The following MUC5B variants were observed in gnomAD, a reference collection of about 807,000 sequenced individuals.
The protein encoded by MUC5B is mucin 5B, oligomeric mucus/gel-forming, also known as mucin-5B.
A neutral mutation model predicts 376.9 loss-of-function variants in MUC5B; 116 were observed. The observed-to-expected ratio is 0.31, with a 90% CI of 0.26 to 0.36. MUC5B has a LOEUF of 0.36. Ranked by LOEUF, MUC5B falls within the 10% of genes least tolerant of loss-of-function variation. The pLI, the probability that MUC5B is intolerant of heterozygous loss-of-function variation, is 1.00. For synonymous variants in MUC5B, 3,517 were observed against 3,390.9 expected (o/e 1.04, Z -1.29); for missense variants, 7,165 against 7,769.9 (o/e 0.92, Z 2.93).
At position 1,242,671 on chromosome 11, in the gene MUC5B, A is replaced by G. The variant is rs775784264; in HGVS notation, c.5791A>G (p.Arg1931Gly). The G allele has an allele frequency of 3.8e-6, 6 of 1,599,600 alleles. No homozygotes were observed. In the East Asian group the frequency reaches 1.1e-4, roughly 30 times the overall value. Residue 1931 changes from arginine (R) to glycine (G), a missense_variant, in exon 31 of 49, where the codon AGA becomes GGA. Coordinates refer to ENST00000529681, the MANE Select transcript of MUC5B (RefSeq NM_002458.3). ...CACGGCCACCCCGACCTCCACCCTG[A>G]GAACAGCTCCCCCTCCCAAAGTGCT... ...GSTATPTSTL[R>G]TAPPPKVLTT...
Position 1,239,010 on chromosome 11 carries a change from G to A in MUC5B, c.3437G>A (p.Arg1146Gln). Residue 1146 changes from arginine (R) to glutamine (Q), a missense_variant, in exon 26 of 49, where the codon CGG becomes CAG. By Grantham distance (43) the Arg-to-Gln change is conservative (BLOSUM62 1). This residue lies in a region of MUC5B where 143 missense variants were observed against 193.2 expected (regional missense o/e 0.74). Transcript: ENST00000529681. ...CHDAGLCVSW[R>Q]TPDTCPLFCD... ...GACGCGGGCCTGTGTGTGTCCTGGC[G>A]GACTCCGGACACCTGCCGTGAGTCG... 1 of 1,571,574 alleles carries A rather than the reference G, an allele frequency of 6.4e-7. No homozygotes were observed. Among genetic ancestry groups the A allele is most frequent in the African/African-American group, 1.3e-5 (1 of 74,150 alleles).
chr11:1,240,022 G>A (rs1336087111), intron 28 of MUC5B, 23 bp from the exon 29 acceptor site: 2 of 1,589,416 alleles, frequency 1.3e-6, no homozygotes, highest in Admixed American at 3.5e-5. Context: ...CAGGCCCTCA[G>A]CTCGCCTCTC....
Position 1,223,099 on chromosome 11 carries a change from C to G in MUC5B, c.-25C>G. On this transcript the variant is annotated 5_prime_UTR_variant, in exon 1 of 49. Coordinates refer to ENST00000529681, the MANE Select transcript of MUC5B (RefSeq NM_002458.3). ...CGGCTCCCTCCCTGCCCGTCCCCGT[C>G]CCCCCACCCGTGCCAGCCCCCAGGA... 1 of 693,762 alleles carries G rather than the reference C, an allele frequency of 1.4e-6. No homozygotes were observed. The highest frequency in any genetic ancestry group is 3.7e-4 in the Middle Eastern group (1 of 2,690). The allele number at this position is 693,762 out of a possible 1,614,324, so 43.0% of individuals were successfully genotyped here. A position where few individuals can be genotyped will look rare whatever the true frequency, so the allele number is the denominator to read the frequency against.
At chr11:1,240,780 G>A (rs1413608830) in intron 30 of MUC5B, 71 bp from the exon 31 acceptor site, 4 of 1,411,252 alleles carry the variant, frequency 2.8e-6, no homozygotes, top group Non-Finnish European at 2.9e-6. Flanking sequence ...GGGTCCTCTG[G>A]GGCCCCTCCA....
chr11:1,245,924 C>T lies in MUC5B; in HGVS notation c.9044C>T (p.Thr3015Ile), dbSNP rs757282629. ...TTGSTAIPSS[T>I]PGTAPPPKVL... ...GGATCCACGGCCATCCCGTCCTCCA[C>T]CCCGGGAACAGCTCCCCCTCCCAAA... The change falls in exon 31 of 49, where the codon ACC (threonine) becomes ATC (isoleucine). Residue 3015 changes from threonine to isoleucine, a missense_variant. Physicochemically the swap from Thr to Ile is moderately conservative, Grantham distance 89. Coordinates refer to ENST00000529681, the MANE Select transcript of MUC5B (RefSeq NM_002458.3). 23 of 1,613,040 alleles carry T rather than the reference C, an allele frequency of 1.4e-5. No homozygotes were observed. In the East Asian group the frequency reaches 4.2e-4, roughly 30 times the overall value.
At chr11:1,230,855 C>T (rs1862012235) in intron 12 of MUC5B, 81 bp from the exon 13 acceptor site, 1 of 1,500,944 alleles carries the variant, frequency 6.7e-7, no homozygotes, top group Middle Eastern at 1.7e-4. Context: ...AGTGGGGGCC[C>T]CTGGGCAGGC....
In MUC5B at chr11:1,225,756, G is replaced by C. The variant is rs758723842; in HGVS notation, c.127+19G>C. On this transcript the variant is annotated intron_variant, in intron 2 of 48. Transcript: ENST00000529681. ...GATGGCGGTATGTGGCCAGGTTCGG[G>C]GGTGGGGGGTTCCTGACCAGGCTGG... 1.9e-6 allele frequency: 3 copies of C among 1,599,526 alleles called. No homozygotes were observed. Among genetic ancestry groups the C allele is most frequent in the African/African-American group, 2.7e-5 (2 of 74,702 alleles).
Position 1,254,681 on chromosome 11 carries a change from T to C in MUC5B, c.15478-13T>C, listed in dbSNP as rs56141203. 0.03 allele frequency: 47,588 copies of C among 1,607,834 alleles called. 895 individuals are homozygous for C. The highest frequency in any genetic ancestry group is 0.033 in the Non-Finnish European group (38,327 of 1,176,094). On this transcript the variant is annotated splice_polypyrimidine_tract_variant and intron_variant, in intron 34 of 48. Transcript: ENST00000529681. Reference sequence around the variant, plus strand: ...ACTGCCTCCCAGCTCAGGGTTCCCCTGGATTCCCCCAGATCCTGTTTGACC... The same window carrying C: ...ACTGCCTCCCAGCTCAGGGTTCCCCCGGATTCCCCCAGATCCTGTTTGACC...
At position 1,259,780 on chromosome 11, in the gene MUC5B, G is replaced by A. The variant is rs776709402; in HGVS notation, c.16738G>A (p.Gly5580Arg). 2.4e-5 allele frequency: 38 copies of A among 1,612,292 alleles called. No individual in the cohort carries two copies. Among genetic ancestry groups the A allele is most frequent in the African/African-American group, 4.0e-5 (3 of 74,864 alleles). ...GGGCTTTGAGTACAAGAGAGTGGCC[G>A]GGCAGTGCTGTGGGGAGTGCGTCCA... ...PQGFEYKRVA[G>R]QCCGECVQTA... The change falls in exon 45 of 49, where the codon GGG becomes AGG. Residue 5580 changes from glycine to arginine, a missense_variant. Gly to Arg is a moderately radical substitution (Grantham distance 125). Coordinates refer to ENST00000529681, the MANE Select transcript of MUC5B (RefSeq NM_002458.3).
rs772247307 is a variant in MUC5B at position 1,250,980 on chromosome 11, A to T, written c.14100A>T (p.Pro4700=). 1.2e-6 allele frequency: 2 copies of T among 1,611,056 alleles called. No homozygotes were observed. Among genetic ancestry groups the T allele is most frequent in the Non-Finnish European group, 1.7e-6 (2 of 1,178,460 alleles). Residue 4700 remains proline (P), a synonymous_variant, in exon 31 of 49, where the codon CCA becomes CCT. Coordinates refer to ENST00000529681, the MANE Select transcript of MUC5B (RefSeq NM_002458.3). ...TGSTTNPSST[P]GTTPITPVLT... ...CCACCACCAACCCCTCCTCAACTCCAGGGACAACACCCATCACCCCAGTGC... is the reference window on the plus strand; with the variant it reads ...CCACCACCAACCCCTCCTCAACTCCTGGGACAACACCCATCACCCCAGTGC...
chr11:1,247,403 C>T lies in MUC5B; in HGVS notation c.10523C>T (p.Ala3508Val), dbSNP rs1461523968. Reference protein sequence around the residue: ...TTSTTQHSTPALSSPHPSSRT... With the variant: ...TTSTTQHSTPVLSSPHPSSRT... The stretch of plus-strand genomic sequence containing the variant: ...AGTACCACCCAGCACTCGACTCCAG[C>T]CCTGTCCAGCCCTCACCCTAGCAGC... The change falls in exon 31 of 49, where the codon GCC becomes GTC. Residue 3508 changes from alanine (A) to valine (V), a missense_variant. By Grantham distance (64) the Ala-to-Val change is moderately conservative (BLOSUM62 0). Transcript: ENST00000529681. 2.5e-6 allele frequency: 4 copies of T among 1,609,992 alleles called. No individual in the cohort carries two copies. Among genetic ancestry groups the T allele is most frequent in the South Asian group, 2.2e-5 (2 of 90,862 alleles).
chr11:1,261,686 C>A lies in MUC5B; in HGVS notation c.*78C>A. On this transcript the variant is annotated 3_prime_UTR_variant, in exon 49 of 49. Coordinates refer to ENST00000529681, the MANE Select transcript of MUC5B (RefSeq NM_002458.3). ...TTGTCTGATCATGAAAACCTTGGGC[C>A]TCCTCTGCGGAGCCCCCCGGCCTGT... The A allele has an allele frequency of 7.1e-7, 1 of 1,411,252 alleles. No individual in the cohort carries two copies. Among genetic ancestry groups the A allele is most frequent in the Non-Finnish European group, 9.7e-7 (1 of 1,028,086 alleles). The allele number at this position is 1,411,252 out of a possible 1,614,324, so 87.4% of individuals were successfully genotyped here.
rs573329077 is a variant in MUC5B at position 1,258,928 on chromosome 11, C to T, written c.16594-14C>T. 8.4e-6 allele frequency: 13 copies of T among 1,550,462 alleles called. No individual in the cohort carries two copies. In the South Asian group the frequency reaches 1.4e-4, roughly 17 times the overall value. ...CCACCAGTGCCCTCAGTGCCACCCT[C>T]CCACCCCTTGCAGGTTGGTGCAACC... On this transcript the variant is annotated splice_polypyrimidine_tract_variant and intron_variant, in intron 43 of 48. Coordinates refer to ENST00000529681, the MANE Select transcript of MUC5B (RefSeq NM_002458.3). The surrounding 1 kb of genome is among the most constrained non-coding windows in gnomAD (Gnocchi z 5.5).
Position 1,238,932 on chromosome 11 carries a change from G to A in MUC5B, c.3359G>A (p.Gly1120Asp), listed in dbSNP as rs1348439839. Residue 1120 changes from glycine to aspartate, a missense_variant, in exon 26 of 49, where the codon GGC becomes GAC. Around this residue, in one of 31 missense-constraint regions of MUC5B, gnomAD observed 143 missense variants for 193.2 expected, o/e 0.74. Transcript: ENST00000529681. ...VNDACACDSGGDCECFCTAVA... is the reference protein window; with the variant it reads ...VNDACACDSGDDCECFCTAVA... ...GACGCGTGTGCCTGCGACTCGGGTG[G>A]CGACTGCGAGTGTTTCTGCACGGCT... is the stretch of plus-strand genomic sequence containing the variant. 1.3e-6 allele frequency: 2 copies of A among 1,574,036 alleles called. No individual in the cohort carries two copies. Among genetic ancestry groups the A allele is most frequent in the East Asian group, 2.4e-5 (1 of 42,544 alleles).
Position 1,258,252 on chromosome 11 carries a change from G to A in MUC5B, c.16555+49G>A, listed in dbSNP as rs371682137. ...CCTGGGTGGCCTCTTGCTGGGGGTG[G>A]GGGAGTGCAGGATGGTGGGGGCGCT... is the stretch of plus-strand genomic sequence containing the variant. On this transcript the variant is annotated intron_variant, in intron 42 of 48. Transcript: ENST00000529681. This position sits in a 1 kb window ranked among gnomAD's most constrained non-coding sequence, Gnocchi z 5.5. 429 of 1,577,838 alleles carry A rather than the reference G, an allele frequency of 2.7e-4. 3 individuals are homozygous for A. The African/African-American group carries it at 5.0e-3, about 18-fold the overall frequency.
chr11:1,230,018 G>A lies in MUC5B; in HGVS notation c.1234G>A (p.Gly412Arg), dbSNP rs187027628. Residue 412 changes from glycine (G) to arginine (R), a missense_variant, in exon 11 of 49, where the codon GGG becomes AGG. By Grantham distance (125) the Gly-to-Arg change is moderately radical. This residue lies in a region of MUC5B where 640 missense variants were observed against 733.0 expected (regional missense o/e 0.87). Coordinates refer to ENST00000529681, the MANE Select transcript of MUC5B (RefSeq NM_002458.3). ...TTCSSCTCSG[G>R]LWQCQDLPCP... ...CTCCCTCCCCAGCACCTGCTCCGGG[G>A]GGCTATGGCAGTGCCAGGACCTGCC... is the stretch of plus-strand genomic sequence containing the variant. 64 of 1,600,594 alleles carry A rather than the reference G, an allele frequency of 4.0e-5. No individual in the cohort carries two copies. The East Asian group carries it at 1.4e-3, about 34-fold the overall frequency.
Position 1,251,638 on chromosome 11 carries a change from A to ACTGAAGGTTGTC in MUC5B, c.14761_14762insAAGGTTGTCCTG (p.Thr4920_Val4921insGluGlyCysPro). 1 of 1,613,062 alleles carries ACTGAAGGTTGTC rather than the reference A, an allele frequency of 6.2e-7. No homozygotes were observed. The highest frequency in any genetic ancestry group is 8.5e-7 in the Non-Finnish European group (1 of 1,179,784). ...CAGCCTGCCAACCTTCAGCGTGTCC[A>ACTGAAGGTTGTC]CTGTGTCCTCCTCAGTCCTCACCAC... On this transcript the variant is annotated inframe_insertion, in exon 31 of 49. Transcript: ENST00000529681.
rs1270541437 is a variant in MUC5B at position 1,250,785 on chromosome 11, C to T, written c.13905C>T (p.Ser4635=). 2.5e-6 allele frequency: 4 copies of T among 1,613,304 alleles called. No individual in the cohort carries two copies. The highest frequency in any genetic ancestry group is 1.1e-5 in the South Asian group (1 of 91,068). The part of the protein sequence containing the change: ...PTTTTPTTSG[S]TVTPSSIPGT... ...CCACCACACCCACAACCAGTGGCTC[C>T]ACGGTGACCCCCTCCTCCATCCCGG... The change falls in exon 31 of 49, where the codon TCC becomes TCT. Residue 4635 remains serine, a synonymous_variant. Transcript: ENST00000529681.
chr11:1,243,026 C>T lies in MUC5B; in HGVS notation c.6146C>T (p.Thr2049Ile), dbSNP rs1862334505. The T allele has an allele frequency of 1.2e-5, 20 of 1,611,780 alleles. No homozygotes were observed. The highest frequency in any genetic ancestry group is 1.6e-5 in the Non-Finnish European group (19 of 1,178,458). Residue 2049 changes from threonine (T) to isoleucine (I), a missense_variant, in exon 31 of 49, where the codon ACC (threonine) becomes ATC (isoleucine). Physicochemically the swap from Thr to Ile is moderately conservative, Grantham distance 89. This residue lies in a region of MUC5B where 897 missense variants were observed against 779.6 expected (regional missense o/e 1.15). Coordinates refer to ENST00000529681, the MANE Select transcript of MUC5B (RefSeq NM_002458.3). ...TCCACCCCAGGAACAGCTCACACTA[C>T]CAAAGTGCCAACTACCACAACCACG... ...PSSTPGTAHT[T>I]KVPTTTTTGF...
Sources: gnomAD v4.1 joint callset for allele counts on GRCh38, gnomAD v4.1.1 for gene constraint, gnomAD v4.1.1 regional missense constraint, Gnocchi (gnomAD v3.1) non-coding constraint, MANE v1.5 for transcripts, NCBI Gene and HGNC (gene_info 2026-07-23, HGNC 2026-07-21) for gene names.